The following GPRC5A variants were observed in gnomAD, a reference collection of about 807,000 sequenced individuals.
The protein encoded by GPRC5A is retinoic acid-induced protein 3.
In GPRC5A, 19 loss-of-function variants were observed where a neutral mutation model predicts 22.5. The ratio of observed to expected loss-of-function variants is 0.85; its 90% CI spans 0.59 to 1.24. The LOEUF (loss-of-function observed/expected upper bound fraction) is 1.24, where lower values mean the gene tolerates loss of function less well. GPRC5A is among the 50% of genes most tolerant of loss of function. GPRC5A has a pLI of 0.00. For synonymous variants in GPRC5A, 192 were observed against 184.5 expected (o/e 1.04, Z -0.33); for missense variants, 471 against 451.1 (o/e 1.04, Z -0.40).
intron 1 of GPRC5A, among the ~76,000 whole-genome samples, chr12:12,905,561 C>G (rs982536423): frequency 1.3e-5 from 2 of 152,148 alleles, no homozygotes; most frequent in African/African-American, 2.4e-5. Flanking sequence ...AAATTGTTGA[C>G]AAACTGGACT....
At chr12:12,904,012 G>A (rs1427757202) in intron 1 of GPRC5A, among the ~76,000 whole-genome samples, 1 of 152,218 alleles carries the variant, frequency 6.6e-6, no homozygotes, top group African/African-American at 2.4e-5. Context: ...GCAATTGGCA[G>A]AGAGGGGCAG....
At chr12:12,903,263 AAAC>A (rs1371126180) in intron 1 of GPRC5A, among the ~76,000 whole-genome samples, 1 of 152,142 alleles carries the variant, frequency 6.6e-6, no homozygotes, top group African/African-American at 2.4e-5. Context: ...TCTATAATGA[AAAC>A]AAGTTTTTTT....
chr12:12,908,325 G>A lies in GPRC5A; in HGVS notation c.76G>A (p.Ala26Thr). The change falls in exon 2 of 4, where the codon GCT becomes ACT. Residue 26 changes from alanine (A) to threonine (T), a missense_variant. Physicochemically the swap from Ala to Thr is moderately conservative, Grantham distance 58. Transcript: ENST00000014914. Reference sequence around the variant, plus strand: ...CTACAGACTTTGTGATAAGGCTGAAGCTTGGGGCATCGTCCTAGAAACGGT... The same window carrying A: ...CTACAGACTTTGTGATAAGGCTGAAACTTGGGGCATCGTCCTAGAAACGGT... ...KYYRLCDKAEAWGIVLETVAT... is the reference protein window; with the variant it reads ...KYYRLCDKAETWGIVLETVAT... 2 of 1,613,890 alleles carry A rather than the reference G, an allele frequency of 1.2e-6. No individual in the cohort carries two copies. Among genetic ancestry groups the A allele is most frequent in the Non-Finnish European group, 1.7e-6 (2 of 1,179,880 alleles).
At chr12:12,909,338 G>T (rs1863979822) in intron 2 of GPRC5A, 167 bp downstream of exon 2, 3 of 585,562 alleles carry the variant, frequency 5.1e-6, no homozygotes, top group Admixed American at 3.3e-5. Flanking sequence ...CAGCCTGTTA[G>T]AGACAAGTAG....
chr12:12,897,035 T>A (rs1592347027), intron 1 of GPRC5A, among the ~76,000 whole-genome samples: 2 of 152,026 alleles, frequency 1.3e-5, no homozygotes, highest in African/African-American at 4.8e-5. Flanking sequence ...GAGACCAGCT[T>A]GGCCAACATA....
Position 12,912,537 on chromosome 12 carries a change from TA to T in GPRC5A, c.1074del (p.Ter358TyrfsTer16). ...KDYEVKKEGS[*>X] Reference sequence around the variant, plus strand: ...CTATGAAGTAAAGAAAGAGGGCAGCTAACTCTGTCCTGAAGAGTGGGACAAA... The same window carrying T: ...CTATGAAGTAAAGAAAGAGGGCAGCTACTCTGTCCTGAAGAGTGGGACAAA... On this transcript the variant is annotated frameshift_variant and stop_lost, in exon 4 of 4. Transcript: ENST00000014914. LOFTEE classifies it high-confidence loss of function. The T allele has an allele frequency of 6.3e-7, 1 of 1,579,228 alleles. No individual in the cohort carries two copies. The highest frequency in any genetic ancestry group is 8.7e-7 in the Non-Finnish European group (1 of 1,148,140).
At position 12,917,684 on chromosome 12, in the gene GPRC5A, T is replaced by TA. The variant is rs1864080071; in HGVS notation, c.*5148dup. 1 of 152,178 alleles carries TA rather than the reference T, an allele frequency of 6.6e-6. No homozygotes were observed. The highest frequency in any genetic ancestry group is 2.4e-5 in the African/African-American group (1 of 41,444). The allele number at this position is 152,178 out of a possible 1,614,324, so 9.4% of individuals were successfully genotyped here. A position where few individuals can be genotyped will look rare whatever the true frequency, so the allele number is the denominator to read the frequency against. On this transcript the variant is annotated 3_prime_UTR_variant, in exon 4 of 4. Coordinates refer to ENST00000014914, the MANE Select transcript of GPRC5A (RefSeq NM_003979.4). The stretch of plus-strand genomic sequence containing the variant: ...GGGATGAGGGAGGACAGCTTCTGGT[T>TA]AAACACAGGTCCCTCTTCCACATCA...
chr12:12,912,737 G>A lies in GPRC5A; in HGVS notation c.*198G>A, dbSNP rs1864018189. 5 of 503,960 alleles carry A rather than the reference G, an allele frequency of 9.9e-6. No individual in the cohort carries two copies. The highest frequency in any genetic ancestry group is 3.5e-5 in the Admixed American group (1 of 28,170). The allele number at this position is 503,960 out of a possible 1,614,324, so 31.2% of individuals were successfully genotyped here. ...TAGTAAGACTCCAGTTCTTAGAGGC[G>A]CTGTAGTATTTTTTTTTTTTTGTCT... On this transcript the variant is annotated 3_prime_UTR_variant, in exon 4 of 4. Transcript: ENST00000014914.
chr12:12,899,346 C>T (rs954679908), intron 1 of GPRC5A, among the ~76,000 whole-genome samples: 1 of 152,080 alleles, frequency 6.6e-6, no homozygotes, highest in Non-Finnish European at 1.5e-5. Flanking sequence ...GCCAGGGTTG[C>T]TTGTTTTGGA....
intron 2 of GPRC5A, among the ~76,000 whole-genome samples, chr12:12,911,747 C>G (rs762865810): frequency 2.6e-5 from 4 of 152,150 alleles, no homozygotes; most frequent in Non-Finnish European, 4.4e-5. Flanking sequence ...CTCGGCCGCC[C>G]AAAGTTCTGG....
chr12:12,909,019 T>C lies in GPRC5A; in HGVS notation c.770T>C (p.Leu257Pro). 4 of 1,613,722 alleles carry C rather than the reference T, an allele frequency of 2.5e-6. No individual in the cohort carries two copies. Among genetic ancestry groups the C allele is most frequent in the Non-Finnish European group, 3.4e-6 (4 of 1,180,026 alleles). The change falls in exon 2 of 4, where the codon CTG (leucine) becomes CCG (proline). Residue 257 changes from leucine (L) to proline (P), a missense_variant. Coordinates refer to ENST00000014914, the MANE Select transcript of GPRC5A (RefSeq NM_003979.4). ...SALAANGWVF[L>P]LAYVSPEFWL... Reference sequence around the variant, plus strand: ...TTGGCTGCCAATGGCTGGGTGTTCCTGTTGGCTTATGTTAGTCCCGAGTTT... The same window carrying C: ...TTGGCTGCCAATGGCTGGGTGTTCCCGTTGGCTTATGTTAGTCCCGAGTTT...
intron 1 of GPRC5A, among the ~76,000 whole-genome samples, chr12:12,904,827 G>T (rs1356974394): frequency 6.7e-6 from 1 of 150,160 alleles, no homozygotes; most frequent in Non-Finnish European, 1.5e-5. Context: ...CTTGCTATAT[G>T]AATTAAATAA....
intron 1 of GPRC5A, among the ~76,000 whole-genome samples, chr12:12,901,744 C>T (rs1275798859): frequency 7.1e-6 from 1 of 140,262 alleles, no homozygotes; most frequent in Non-Finnish European, 1.5e-5. Context: ...AGATGTGTGT[C>T]TCATCAGACT....
intron 2 of GPRC5A, among the ~76,000 whole-genome samples, chr12:12,910,159 C>A (rs149760237): frequency 1.5e-3 from 234 of 152,072 alleles, no homozygotes; most frequent in Non-Finnish European, 3.0e-3. Flanking sequence ...GAATGAGGAA[C>A]CTCCAAGGCC....
rs1864048811 is a variant in GPRC5A at position 12,914,964 on chromosome 12, C to T, written c.*2425C>T. 1 of 151,498 alleles carries T rather than the reference C, an allele frequency of 6.6e-6. No homozygotes were observed. Among genetic ancestry groups the T allele is most frequent in the Non-Finnish European group, 1.5e-5 (1 of 68,056 alleles). 9.4% of individuals were successfully genotyped at this position (151,498 alleles called of 1,614,324 possible). ...CCTTCTCTGGTCTTCATACTACCAACCAAGCAAGGGAGGAGGAGTAAAAGG... is the reference window on the plus strand; with the variant it reads ...CCTTCTCTGGTCTTCATACTACCAATCAAGCAAGGGAGGAGGAGTAAAAGG... On this transcript the variant is annotated 3_prime_UTR_variant, in exon 4 of 4. Coordinates refer to ENST00000014914, the MANE Select transcript of GPRC5A (RefSeq NM_003979.4).
chr12:12,904,019 G>T (rs1863915449), intron 1 of GPRC5A, among the ~76,000 whole-genome samples: 1 of 152,222 alleles, frequency 6.6e-6, no homozygotes, highest in Non-Finnish European at 1.5e-5. Context: ...GCAGAGAGGG[G>T]CAGGGAGAGG....
At position 12,916,769 on chromosome 12, in the gene GPRC5A, CTGTT is replaced by C. The variant is rs1190629370; in HGVS notation, c.*4234_*4237del. 1 of 152,190 alleles carries C rather than the reference CTGTT, an allele frequency of 6.6e-6. No homozygotes were observed. The highest frequency in any genetic ancestry group is 2.4e-5 in the African/African-American group (1 of 41,434). 9.4% of individuals were successfully genotyped at this position (152,190 alleles called of 1,614,324 possible). A position where few individuals can be genotyped will look rare whatever the true frequency, so the allele number is the denominator to read the frequency against. On this transcript the variant is annotated 3_prime_UTR_variant, in exon 4 of 4. Transcript: ENST00000014914. ...AGTATTTATGTGTTGAGAACACTGG[CTGTT>C]TGTCAGGAAAAGTGTGCCAAAACAA...
chr12:12,907,252 T>C (rs549853272), intron 1 of GPRC5A, among the ~76,000 whole-genome samples: 2 of 149,902 alleles, frequency 1.3e-5, no homozygotes, highest in African/African-American at 4.9e-5. Flanking sequence ...AAAAAAAAAA[T>C]TAGCCGGGCA....
intron 1 of GPRC5A, among the ~76,000 whole-genome samples, chr12:12,902,834 G>A (rs1270769060): frequency 6.6e-6 from 1 of 152,222 alleles, no homozygotes; most frequent in Non-Finnish European, 1.5e-5. Context: ...TTGGGATGCT[G>A]AGGTGGGTGG....
Sources: gnomAD v4.1 joint callset for allele counts (sites outside exome capture counted in the v4.1 genomes callset) on GRCh38, gnomAD v4.1.1 for gene constraint, MANE v1.5 for transcripts, NCBI Gene and HGNC (gene_info 2026-07-23, HGNC 2026-07-21) for gene names.